The following MSL2 variants were observed in gnomAD, a reference collection of about 807,000 sequenced individuals.
MSL2 encodes the protein E3 ubiquitin-protein ligase MSL2.
A neutral mutation model predicts 35.8 loss-of-function variants in MSL2; 2 were observed. That is an observed-to-expected ratio of 0.06 (90% CI 0.02 to 0.18). The LOEUF is 0.18. Among genes scored for constraint, MSL2 ranks in the 10% least tolerant of loss-of-function variants. The pLI is 1.00. For missense variants in MSL2, 523 were observed against 706.7 expected, an observed-to-expected ratio of 0.74 and a Z score of 2.95; for synonymous variants, 296 against 255.7, an observed-to-expected ratio of 1.16 and a Z score of -1.50.
At chr3:136,155,850 A>G (rs1939503827) in intron 1 of MSL2, 4 of 578,660 alleles carry the variant, frequency 6.9e-6, no homozygotes, top group Admixed American at 5.7e-5. Context: ...TGGCATGGCC[A>G]GCTCCGCTGC....
chr3:136,167,046 TGAG>T (rs567179250), intron 1 of MSL2, among the ~76,000 whole-genome samples: 104 of 152,086 alleles, frequency 6.8e-4, no homozygotes, highest in African/African-American at 2.3e-3. Context: ...TTTATGGAAA[TGAG>T]GAGAAGGGGC....
chr3:136,189,714 G>A (rs1447567909), intron 1 of MSL2, among the ~76,000 whole-genome samples: 4 of 116,732 alleles, frequency 3.4e-5, no homozygotes, highest in Admixed American at 9.2e-5. Flanking sequence ...ACAGCGAGAC[G>A]CCGTCTCAAA....
At chr3:136,181,567 G>A (rs1334914032) in intron 1 of MSL2, among the ~76,000 whole-genome samples, 3 of 152,088 alleles carry the variant, frequency 2.0e-5, no homozygotes, top group African/African-American at 7.2e-5. Flanking sequence ...TGTTCTAAAG[G>A]TCTGTAAATG....
intron 1 of MSL2, among the ~76,000 whole-genome samples, chr3:136,184,086 G>A (rs1285610271): frequency 6.6e-6 from 1 of 151,564 alleles, no homozygotes; most frequent in Non-Finnish European, 1.5e-5. Flanking sequence ...ACGAAGTCAG[G>A]AGATAGAGAC....
intron 1 of MSL2, among the ~76,000 whole-genome samples, chr3:136,165,485 G>A (rs933550039): frequency 1.3e-5 from 2 of 152,030 alleles, no homozygotes; most frequent in African/African-American, 4.8e-5. Flanking sequence ...CATAGTTTTA[G>A]GATACCACAA....
chr3:136,187,937 A>C (rs903814612), intron 1 of MSL2, among the ~76,000 whole-genome samples: 1 of 152,018 alleles, frequency 6.6e-6, no homozygotes, highest in African/African-American at 2.4e-5. Flanking sequence ...TGTAGAACAT[A>C]TTTTTTAAAA....
intron 1 of MSL2, among the ~76,000 whole-genome samples, chr3:136,182,404 G>C (rs993425468): frequency 9.9e-5 from 15 of 152,200 alleles, no homozygotes; most frequent in Non-Finnish European, 8.8e-5. Flanking sequence ...AGAACAATAG[G>C]TTTTCAAATA....
chr3:136,188,933 C>T (rs9883643), intron 1 of MSL2, among the ~76,000 whole-genome samples: 1 of 151,476 alleles, frequency 6.6e-6, no homozygotes, highest in Non-Finnish European at 1.5e-5. Context: ...CTCTTTTCAT[C>T]TCAGCACTGG....
chr3:136,178,757 ACTC>A (rs10541204), intron 1 of MSL2, among the ~76,000 whole-genome samples: 151,752 of 151,756 alleles, frequency 1, 75,874 homozygotes, highest in Non-Finnish European at 1. Flanking sequence ...CTGGTCTCGA[ACTC>A]CTCCTGACCT....
intron 1 of MSL2, among the ~76,000 whole-genome samples, chr3:136,165,066 G>T (rs1939806389): frequency 6.6e-6 from 1 of 151,964 alleles, no homozygotes; most frequent in Non-Finnish European, 1.5e-5. Context: ...GTAGAGACGG[G>T]GTTTCACCAT....
intron 1 of MSL2, among the ~76,000 whole-genome samples, chr3:136,194,070 G>A (rs546796951): frequency 6.6e-6 from 1 of 152,296 alleles, no homozygotes; most frequent in South Asian, 2.1e-4. Context: ...TAAACAAGTG[G>A]ATCATCAAAA....
rs869059543 is a variant in MSL2, at chr3:136,169,231, CGGGGGGGGGGGG to C, written c.143-16505_143-16494del. ...CTTGTTTTTGTTGTTGTTGTTTTGG[CGGGGGGGGGGGG>C]GGGGGGGGGTGCTTATTTTTTAAAT... On this transcript the variant is annotated intron_variant, in intron 1 of 1. Transcript: ENST00000309993. Among the ~76,000 whole-genome samples, 58 of 11,118 alleles carry C rather than the reference CGGGGGGGGGGGG, an allele frequency of 5.2e-3. 5 individuals carry two copies. The highest frequency in any genetic ancestry group is 0.014 in the East Asian group (2 of 144). The allele number at this position is 11,118 out of a possible 152,430, so 7.3% of individuals were successfully genotyped here.
chr3:136,180,811 A>AGGGAGGG, intron 1 of MSL2, among the ~76,000 whole-genome samples: 1 of 114,458 alleles, frequency 8.7e-6, no homozygotes, highest in Non-Finnish European at 1.9e-5. Flanking sequence ...GGAGGGAGGG[A>AGGGAGGG]AGGAGGGAAG....
chr3:136,151,597 A>C lies in MSL2; in HGVS notation c.1284T>G (p.Leu428=). The change falls in exon 2 of 2, where the codon CTT becomes CTG. Residue 428 remains leucine (L), a synonymous_variant. Coordinates refer to ENST00000309993, the MANE Select transcript of MSL2 (RefSeq NM_018133.4). The surrounding 1 kb of genome is among the most constrained non-coding windows in gnomAD (Gnocchi z 5.2). ...TTTCCTTTACTGCTTTGTCTTTTTTAAGAATACCTGGCTTGGTTTTAGAGT... is the reference window on the plus strand; with the variant it reads ...TTTCCTTTACTGCTTTGTCTTTTTTCAGAATACCTGGCTTGGTTTTAGAGT... The part of the protein sequence containing the change: ...KSHSKTKPGI[L]KKDKAVKEKI... 2 of 1,614,106 alleles carry C rather than the reference A, an allele frequency of 1.2e-6. No individual in the cohort carries two copies. Among genetic ancestry groups the C allele is most frequent in the Non-Finnish European group, 1.7e-6 (2 of 1,180,036 alleles).
At chr3:136,186,390 G>A (rs895633266) in intron 1 of MSL2, among the ~76,000 whole-genome samples, 2 of 152,090 alleles carry the variant, frequency 1.3e-5, no homozygotes, top group East Asian at 3.9e-4. Flanking sequence ...CTTCTAATCA[G>A]GGGTCCCTAA....
At position 136,151,999 on chromosome 3, in the gene MSL2, C is replaced by G; in HGVS notation, c.882G>C (p.Leu294Phe). The change falls in exon 2 of 2, where the codon TTG becomes TTC. Residue 294 changes from leucine to phenylalanine, a missense_variant. Around this residue, in one of 5 missense-constraint regions of MSL2, gnomAD observed 361 missense variants for 414.6 expected, o/e 0.87. Transcript: ENST00000309993. The surrounding 1 kb of genome is among the most constrained non-coding windows in gnomAD (Gnocchi z 5.2). ...AAGGTCCATTGGATACAGTGGCTTC[C>G]AAGTTCGGCTGCAAATTAGGGCAAC... ...EVCCPNLQPN[L>F]EATVSNGPFL... 1 of 1,614,194 alleles carries G rather than the reference C, an allele frequency of 6.2e-7. No individual in the cohort carries two copies. Among genetic ancestry groups the G allele is most frequent in the Non-Finnish European group, 8.5e-7 (1 of 1,180,024 alleles).
chr3:136,150,506 A>G lies in MSL2; in HGVS notation c.*641T>C, dbSNP rs1939326099. ...AATTTCTTCCCTAGAAATGAGTAACAGCTAAACATTTGTAGTCTGACAGAA... is the reference window on the plus strand; with the variant it reads ...AATTTCTTCCCTAGAAATGAGTAACGGCTAAACATTTGTAGTCTGACAGAA... On this transcript the variant is annotated 3_prime_UTR_variant, in exon 2 of 2. Transcript: ENST00000309993. 1 of 152,736 alleles carries G rather than the reference A, an allele frequency of 6.5e-6. No individual in the cohort carries two copies. 9.5% of individuals were successfully genotyped at this position (152,736 alleles called of 1,614,324 possible). A position where few individuals can be genotyped will look rare whatever the true frequency, so the allele number is the denominator to read the frequency against.
At chr3:136,184,237 A>G (rs1940447259) in intron 1 of MSL2, among the ~76,000 whole-genome samples, 1 of 152,108 alleles carries the variant, frequency 6.6e-6, no homozygotes. Flanking sequence ...CGGAGGGTGC[A>G]GTGAACCCAG....
chr3:136,181,246 ATTTTC>A (rs1462402618), intron 1 of MSL2, among the ~76,000 whole-genome samples: 1 of 152,128 alleles, frequency 6.6e-6, no homozygotes, highest in Admixed American at 6.6e-5. Context: ...TATCGACTTA[ATTTTC>A]TTAATGCTTC....
Sources: gnomAD v4.1 joint callset for allele counts (sites outside exome capture counted in the v4.1 genomes callset) on GRCh38, gnomAD v4.1.1 for gene constraint, gnomAD v4.1.1 regional missense constraint, Gnocchi (gnomAD v3.1) non-coding constraint, MANE v1.5 for transcripts, NCBI Gene and HGNC (gene_info 2026-07-23, HGNC 2026-07-21) for gene names.